THSD7B: variants seen among roughly 807,000 people sequenced by gnomAD.
THSD7B encodes the protein thrombospondin type 1 domain containing 7B.
A neutral mutation model predicts 213.6 loss-of-function variants in THSD7B; 138 were observed. The observed-to-expected ratio is 0.65, with a 90% CI of 0.56 to 0.74. The LOEUF (loss-of-function observed/expected upper bound fraction) is 0.74. Ranked by LOEUF, THSD7B falls within the 30% of genes least tolerant of loss-of-function variation. The pLI is 0.00. For synonymous variants in THSD7B, 742 were observed against 687.0 expected (o/e 1.08, Z -1.25); for missense variants, 1,931 against 1,991.5 (o/e 0.97, Z 0.58).
At chr2:137,593,961 A>G (rs1421049609) in intron 17 of THSD7B, among the ~76,000 whole-genome samples, 1 of 151,992 alleles carries the variant, frequency 6.6e-6, no homozygotes, top group African/African-American at 2.4e-5. Context: ...GGAATGGTTT[A>G]GGAATATTTT....
chr2:137,408,058 G>A (rs1686568922), intron 13 of THSD7B, among the ~76,000 whole-genome samples: 1 of 151,772 alleles, frequency 6.6e-6, no homozygotes. Context: ...GAATCCAAAG[G>A]TTAATGCTGA....
At chr2:136,886,032 G>T (rs1024201607) in intron 2 of THSD7B, among the ~76,000 whole-genome samples, 4 of 152,106 alleles carry the variant, frequency 2.6e-5, no homozygotes, top group African/African-American at 9.7e-5. Flanking sequence ...CATCCCAGAT[G>T]GTGGGAACAA....
chr2:137,562,325 C>T (rs1045026355), intron 15 of THSD7B, among the ~76,000 whole-genome samples: 1 of 152,062 alleles, frequency 6.6e-6, no homozygotes, highest in Non-Finnish European at 1.5e-5. Flanking sequence ...TGTGATCATG[C>T]AATGGAAGAG....
intron 7 of THSD7B, among the ~76,000 whole-genome samples, chr2:137,213,479 CAT>C (rs1307151225): frequency 1.4e-5 from 2 of 147,474 alleles, no homozygotes; most frequent in South Asian, 2.1e-4. Flanking sequence ...TATATTAGGT[CAT>C]ATGTTATATG....
chr2:136,947,906 A>G (rs1184432304), intron 2 of THSD7B, among the ~76,000 whole-genome samples: 1 of 152,194 alleles, frequency 6.6e-6, no homozygotes, highest in Non-Finnish European at 1.5e-5. Flanking sequence ...CTTGCAGGGA[A>G]GTGTCTGCTG....
At chr2:137,260,948 T>C (rs1483400240) in intron 10 of THSD7B, among the ~76,000 whole-genome samples, 2 of 152,180 alleles carry the variant, frequency 1.3e-5, no homozygotes, top group African/African-American at 2.4e-5. Context: ...TATTTACTAA[T>C]GCCTACCAGG....
chr2:136,977,801 G>GT (rs56053958), intron 2 of THSD7B, among the ~76,000 whole-genome samples: 13,684 of 105,338 alleles, frequency 0.13, 768 homozygotes, highest in East Asian at 0.26. Context: ...TCTTTTCTTT[G>GT]TTTTTTTTTT....
chr2:137,315,460 C>A (rs181382405), intron 12 of THSD7B, among the ~76,000 whole-genome samples: 3 of 152,240 alleles, frequency 2.0e-5, no homozygotes, highest in African/African-American at 7.2e-5. Flanking sequence ...GGAGAAATCA[C>A]CCGTCTTCTG....
intron 15 of THSD7B, chr2:137,452,181 T>C: frequency 3.3e-5 from 7 of 211,072 alleles, no homozygotes; most frequent in Non-Finnish European, 5.7e-5. Flanking sequence ...AGCATAGTTA[T>C]TATGCTAGTC....
intron 13 of THSD7B, among the ~76,000 whole-genome samples, chr2:137,410,636 A>G (rs1573609681): frequency 6.6e-6 from 1 of 152,082 alleles, no homozygotes; most frequent in Non-Finnish European, 1.5e-5. Context: ...CCCATCAGCA[A>G]CTCTAGAATT....
In THSD7B at chr2:137,072,027, G is replaced by A. The variant is rs570508653; in HGVS notation, c.950+14797G>A. The stretch of plus-strand genomic sequence containing the variant: ...TTACTGTAGCCTTGTAGTATAGTTT[G>A]AAGTCAGGTAGCGTGATGCCTCCAG... On this transcript the variant is annotated intron_variant, in intron 3 of 27. Coordinates refer to ENST00000409968, the MANE Select transcript of THSD7B (RefSeq NM_001316349.2). 2.8e-3 allele frequency among the ~76,000 whole-genome samples: 433 copies of A among 152,314 alleles called. 2 individuals carry two copies. The highest frequency in any genetic ancestry group is 4.8e-3 in the Admixed American group (74 of 15,280).
In THSD7B at chr2:137,064,051, G is replaced by A. The variant is rs1050159178; in HGVS notation, c.950+6821G>A. On this transcript the variant is annotated intron_variant, in intron 3 of 27. Transcript: ENST00000409968. The stretch of plus-strand genomic sequence containing the variant: ...TAGCAGTGGGATTGCTAGATAGTAC[G>A]GTAGCTCTATTTTTAGTTTTTCGAG... Among the ~76,000 whole-genome samples the A allele has an allele frequency of 1.1e-3, 163 of 151,922 alleles. 1 individual carries two copies. Among genetic ancestry groups the A allele is most frequent in the Non-Finnish European group, 1.6e-4 (11 of 67,914 alleles).
intron 5 of THSD7B, among the ~76,000 whole-genome samples, chr2:137,139,687 C>T (rs902447192): frequency 2.0e-5 from 3 of 152,144 alleles, no homozygotes; most frequent in Admixed American, 1.3e-4. Context: ...TTCCTCCAGA[C>T]TGCCTTTTGA....
At chr2:136,770,645 C>T (rs1681488004) in intron 1 of THSD7B, among the ~76,000 whole-genome samples, 1 of 152,186 alleles carries the variant, frequency 6.6e-6, no homozygotes, top group African/African-American at 2.4e-5. Flanking sequence ...TTACCTAAGG[C>T]TGTTCTGATT....
intron 5 of THSD7B, among the ~76,000 whole-genome samples, chr2:137,124,479 A>G (rs1050621362): frequency 2.0e-5 from 3 of 152,206 alleles, no homozygotes; most frequent in Admixed American, 6.5e-5. Flanking sequence ...ATAAGAGGAC[A>G]TAGTCACTTA....
chr2:137,265,951 T>A (rs1190027758), intron 10 of THSD7B, among the ~76,000 whole-genome samples: 1 of 152,212 alleles, frequency 6.6e-6, no homozygotes, highest in Non-Finnish European at 1.5e-5. Context: ...TAGGTACTAA[T>A]TGCCTTGCAA....
chr2:136,859,774 G>C (rs1388872566), intron 1 of THSD7B, among the ~76,000 whole-genome samples: 1 of 152,194 alleles, frequency 6.6e-6, no homozygotes, highest in African/African-American at 2.4e-5. Flanking sequence ...AAGAGAAGTA[G>C]TATAGCCCCA....
At chr2:136,876,131 A>G (rs1200318519) in intron 1 of THSD7B, among the ~76,000 whole-genome samples, 4 of 151,558 alleles carry the variant, frequency 2.6e-5, no homozygotes, top group Admixed American at 2.6e-4. Context: ...TCTGTGTAGA[A>G]CTGGTCCTGC....
At chr2:137,139,305 TA>T (rs938827851) in intron 5 of THSD7B, among the ~76,000 whole-genome samples, 6 of 152,208 alleles carry the variant, frequency 3.9e-5, no homozygotes, top group Non-Finnish European at 7.3e-5. Flanking sequence ...TCCATTCTTT[TA>T]GATGGACATC....
Sources: allele counts gnomAD v4.1 joint callset (sites outside exome capture counted in the v4.1 genomes callset), GRCh38; gene constraint gnomAD v4.1.1; transcripts MANE v1.5; gene names NCBI Gene and HGNC (gene_info 2026-07-23, HGNC 2026-07-21).